Variants in GNA14 observed in about 807,000 individuals in gnomAD.
GNA14 encodes G protein subunit alpha 14.
GNA14 carries 50 observed loss-of-function variants against 42.0 expected under a neutral mutation model. That is an observed-to-expected ratio of 1.19 (90% CI 0.95 to 1.51). GNA14 has a LOEUF of 1.51. Ranked by LOEUF, GNA14 falls within the 40% of genes most tolerant of loss-of-function variation. The pLI is 0.00. For synonymous variants in GNA14, 173 were observed against 163.1 expected, an observed-to-expected ratio of 1.06 and a Z score of -0.46; for missense variants, 473 against 446.2, an observed-to-expected ratio of 1.06 and a Z score of -0.54.
At chr9:77,435,448 T>C (rs73454067) in intron 2 of GNA14, among the ~76,000 whole-genome samples, 13,050 of 152,174 alleles carry the variant, frequency 0.086, 1,067 homozygotes, top group African/African-American at 0.21. Flanking sequence ...CAGCGCATTC[T>C]CACACAGTCT....
At chr9:77,533,093 C>T (rs78948619) in intron 1 of GNA14, among the ~76,000 whole-genome samples, 3,350 of 129,956 alleles carry the variant, frequency 0.026, 121 homozygotes, top group African/African-American at 0.087. Context: ...TTAGGGGAAA[C>T]GGCTCTTCTC....
intron 1 of GNA14, among the ~76,000 whole-genome samples, chr9:77,546,215 C>CAAAAAAAAAAAAA (rs764378681): frequency 2.3e-5 from 1 of 42,914 alleles, no homozygotes; most frequent in African/African-American, 6.8e-5. Flanking sequence ...AGCTCCATCT[C>CAAAAAAAAAAAAA]AAAAAAAAAA....
chr9:77,640,734 A>G (rs912189665), intron 1 of GNA14, among the ~76,000 whole-genome samples: 7 of 151,374 alleles, frequency 4.6e-5, no homozygotes, highest in Admixed American at 2.6e-4. Flanking sequence ...TGGCTTAAAG[A>G]TTTTTTTTAA....
At chr9:77,520,740 G>C (rs1028093913) in intron 2 of GNA14, among the ~76,000 whole-genome samples, 2 of 152,104 alleles carry the variant, frequency 1.3e-5, no homozygotes, top group Non-Finnish European at 2.9e-5. Context: ...GTGTTGGACG[G>C]ATGCATAAGT....
intron 2 of GNA14, among the ~76,000 whole-genome samples, chr9:77,524,591 A>G (rs771851346): frequency 6.6e-6 from 1 of 152,234 alleles, no homozygotes; most frequent in Non-Finnish European, 1.5e-5. Context: ...GATACTTTGT[A>G]AAGAAGATAA....
At chr9:77,638,993 C>T (rs1824219940) in intron 1 of GNA14, among the ~76,000 whole-genome samples, 1 of 152,280 alleles carries the variant, frequency 6.6e-6, no homozygotes, top group East Asian at 1.9e-4. Flanking sequence ...TTAAATACAC[C>T]TTAATATTTA....
chr9:77,514,775 G>A (rs910410421), intron 2 of GNA14, among the ~76,000 whole-genome samples: 1 of 151,860 alleles, frequency 6.6e-6, no homozygotes, highest in African/African-American at 2.4e-5. Context: ...CACCACGCCC[G>A]GCTAATTTTT....
chr9:77,598,191 CTA>C (rs1304705126), intron 1 of GNA14, among the ~76,000 whole-genome samples: 1 of 152,150 alleles, frequency 6.6e-6, no homozygotes, highest in Non-Finnish European at 1.5e-5. Flanking sequence ...GCAAAGAACT[CTA>C]TTACTTTTAG....
intron 2 of GNA14, among the ~76,000 whole-genome samples, chr9:77,502,290 T>A (rs531862407): frequency 6.6e-6 from 1 of 152,230 alleles, no homozygotes; most frequent in African/African-American, 2.4e-5. Context: ...CATATCTCGA[T>A]TGTCCTTGTC....
chr9:77,565,421 T>C (rs1822951993), intron 1 of GNA14, among the ~76,000 whole-genome samples: 1 of 152,006 alleles, frequency 6.6e-6, no homozygotes, highest in South Asian at 2.1e-4. Context: ...TCAAATAAAA[T>C]ATATTTAAAT....
rs117895097 is a variant in GNA14 at position 77,530,657 on chromosome 9, T to C, written c.125-1404A>G. Among the ~76,000 whole-genome samples the C allele has an allele frequency of 2.3e-4, 35 of 152,290 alleles. No individual in the cohort carries two copies. The East Asian group carries it at 4.6e-3, about 20-fold the overall frequency. On this transcript the variant is annotated intron_variant, in intron 1 of 6. Transcript: ENST00000341700. Reference sequence around the variant, plus strand: ...ATTGAACTACAATGACCAACTCAATTATTAGAGAAAAATGTCTTGGTCTGA... The same window carrying C: ...ATTGAACTACAATGACCAACTCAATCATTAGAGAAAAATGTCTTGGTCTGA...
At chr9:77,473,569 G>A (rs1333371359) in intron 2 of GNA14, among the ~76,000 whole-genome samples, 2 of 148,830 alleles carry the variant, frequency 1.3e-5, no homozygotes, top group Non-Finnish European at 3.0e-5. Context: ...TCCCCAACCT[G>A]ATCTACATAT....
At position 77,605,472 on chromosome 9, in the gene GNA14, C is replaced by G. The variant is rs141396322; in HGVS notation, c.124+42198G>C. ...CTTCCTCCCACTTTTCTCCCCCAAA[C>G]AGGTCATACAACCCAGGAAAGATTT... On this transcript the variant is annotated intron_variant, in intron 1 of 6. Coordinates refer to ENST00000341700, the MANE Select transcript of GNA14 (RefSeq NM_004297.4). Among the ~76,000 whole-genome samples, 247 of 152,314 alleles carry G rather than the reference C, an allele frequency of 1.6e-3. 1 individual carries two copies. Among genetic ancestry groups the G allele is most frequent in the African/African-American group, 5.5e-3 (230 of 41,570 alleles).
intron 1 of GNA14, among the ~76,000 whole-genome samples, chr9:77,630,121 T>G (rs976786368): frequency 2.0e-5 from 3 of 151,726 alleles, no homozygotes; most frequent in African/African-American, 7.3e-5. Flanking sequence ...TGTTTTTTTT[T>G]TTTTTGACAG....
chr9:77,470,951 GTCACCTCCCACCAGGTCCC>G lies in GNA14; in HGVS notation c.310-36448_310-36430del, dbSNP rs569358200. ...GGGGGAAATCTGCCCCCATGATCCA[GTCACCTCCCACCAGGTCCC>G]TCCCCAACATTGGGAGTTACAATTC... On this transcript the variant is annotated intron_variant, in intron 2 of 6. Transcript: ENST00000341700. Among the ~76,000 whole-genome samples the G allele has an allele frequency of 1.6e-3, 246 of 152,266 alleles. 1 individual carries two copies. Among genetic ancestry groups the G allele is most frequent in the East Asian group, 5.0e-3 (26 of 5,172 alleles).
chr9:77,499,996 T>A (rs1016552876), intron 2 of GNA14, among the ~76,000 whole-genome samples: 1 of 152,072 alleles, frequency 6.6e-6, no homozygotes, highest in Non-Finnish European at 1.5e-5. Context: ...GGATTTGGGA[T>A]CTTGGTGCAA....
chr9:77,485,588 A>G (rs1836644777), intron 2 of GNA14, among the ~76,000 whole-genome samples: 1 of 152,220 alleles, frequency 6.6e-6, no homozygotes, highest in Admixed American at 6.5e-5. Context: ...CAGAGAAGTC[A>G]CTATCTATGA....
At chr9:77,616,001 C>T (rs1416674422) in intron 1 of GNA14, among the ~76,000 whole-genome samples, 1 of 152,076 alleles carries the variant, frequency 6.6e-6, no homozygotes, top group Non-Finnish European at 1.5e-5. Flanking sequence ...ACAGTTCATG[C>T]TATACATGCA....
At chr9:77,458,473 A>G (rs541283512) in intron 2 of GNA14, among the ~76,000 whole-genome samples, 1 of 152,312 alleles carries the variant, frequency 6.6e-6, no homozygotes, top group East Asian at 1.9e-4. Flanking sequence ...ACAGTAGGGC[A>G]CAGTTAGCGA....
Sources: gnomAD v4.1 joint callset for allele counts (sites outside exome capture counted in the v4.1 genomes callset) on GRCh38, gnomAD v4.1.1 for gene constraint, MANE v1.5 for transcripts, NCBI Gene and HGNC (gene_info 2026-07-23, HGNC 2026-07-21) for gene names.